The following TTN variants were observed in gnomAD, a reference collection of about 807,000 sequenced individuals.
TTN encodes the protein connectin.
TTN carries 1,525 observed loss-of-function variants against 3,223.0 expected under a neutral mutation model. The observed-to-expected ratio is 0.47, with a 90% CI of 0.45 to 0.49. The LOEUF (loss-of-function observed/expected upper bound fraction) is 0.49. Among genes scored for constraint, TTN ranks in the 20% least tolerant of loss-of-function variants. The probability of loss-of-function intolerance (pLI) is 0.00; values close to 1 mark genes in which losing one functional copy is unlikely to be tolerated. For synonymous variants in TTN, 14,094 were observed against 15,161.0 expected (o/e 0.93, Z 5.17); for missense variants, 40,786 against 43,424.0 (o/e 0.94, Z 5.40).
Position 178,554,653 on chromosome 2 carries a change from T to G in TTN, c.88694A>C (p.Lys29565Thr), listed in dbSNP as rs1263180064. ...CTTTTCCACAATGTAGTGAGTGATT[T>G]TTGCACCACCATCATCAGCTGGAGG... ...WRPPADDGGAKITHYIVEKRE... is the reference protein window; with the variant it reads ...WRPPADDGGATITHYIVEKRE... The change falls in exon 332 of 363, where the codon AAA becomes ACA. Residue 29565 changes from lysine (K) to threonine (T), a missense_variant. Transcript: ENST00000589042. 3 of 1,613,918 alleles carry G rather than the reference T, an allele frequency of 1.9e-6. No individual in the cohort carries two copies. The South Asian group carries it at 3.3e-5, about 18-fold the overall frequency.
At position 178,574,202 on chromosome 2, in the gene TTN, C is replaced by T. The variant is rs750632838; in HGVS notation, c.71930G>A (p.Ser23977Asn). 3.1e-6 allele frequency: 5 copies of T among 1,613,458 alleles called. No individual in the cohort carries two copies. In the East Asian group the frequency reaches 8.9e-5, roughly 29 times the overall value. Residue 23977 changes from serine to asparagine, a missense_variant, in exon 326 of 363, where the codon AGC (serine) becomes AAC (asparagine). By Grantham distance (46) the Ser-to-Asn change is conservative. Transcript: ENST00000589042. The stretch of plus-strand genomic sequence containing the variant: ...TGTAAATTCATTCTCCAAAATGTTG[C>T]TGAAGTTGGCCTTCAGCCACCGTCC... ...PNGRWLKANF[S>N]NILENEFTVS...
Position 178,605,261 on chromosome 2 carries a change from T to C in TTN, c.53916A>G (p.Arg17972=). 7 of 1,601,562 alleles carry C rather than the reference T, an allele frequency of 4.4e-6. No homozygotes were observed. The highest frequency in any genetic ancestry group is 6.0e-6 in the Non-Finnish European group (7 of 1,174,004). ...CTGCCTTAACTTTGATAGTGTCTCC[T>C]CGAACACTCAGACGCAACTTAATAG... ...PPTIKLRLSV[R]GDTIKVKAGE... Residue 17972 remains arginine (R), a synonymous_variant, in exon 280 of 363, where the codon CGA becomes CGG. Transcript: ENST00000589042.
At chr2:178,794,697 T>C in intron 7 of TTN, 146 bp from the exon 8 acceptor site, 1 of 1,130,150 alleles carries the variant, frequency 8.8e-7, no homozygotes, top group African/African-American at 1.5e-5. Flanking sequence ...AGAGACTGTA[T>C]CATTAAAACC....
rs751103309 is a variant in TTN at position 178,640,055 on chromosome 2, G to A, written c.40779C>T (p.Pro13593=). 18 of 1,611,932 alleles carry A rather than the reference G, an allele frequency of 1.1e-5. No individual in the cohort carries two copies. Among genetic ancestry groups the A allele is most frequent in the East Asian group, 2.2e-5 (1 of 44,796 alleles). ...GAGGATAAGCTTGCTCACCTGCTTC[G>A]GGCTTTGGTTTCGGTTCAGGTGCAG... is the stretch of plus-strand genomic sequence containing the variant. ...PLPAPEPKPK[P]EAEVKTIKPP... is the part of the protein sequence containing the mutation. The change falls in exon 222 of 363, where the codon CCC becomes CCT. Residue 13593 remains proline (P), a synonymous_variant. Coordinates refer to ENST00000589042, the MANE Select transcript of TTN (RefSeq NM_001267550.2).
rs1385153141 is a variant in TTN at position 178,740,104 on chromosome 2, G to C, written c.13129C>G (p.Leu4377Val). 24 of 1,613,704 alleles carry C rather than the reference G, an allele frequency of 1.5e-5. No homozygotes were observed. Among genetic ancestry groups the C allele is most frequent in the Non-Finnish European group, 1.9e-5 (23 of 1,179,826 alleles). ...GAAAGCAAGCTTTCCTTAGAAAGAA[G>C]GTCCCTTCCCTGTACCTCCTGCACT... ...KKVQEVQGRD[L>V]LSKESLLSGI... The change falls in exon 48 of 363, where the codon CTT becomes GTT. Residue 4377 changes from leucine to valine, a missense_variant. By Grantham distance (32) the Leu-to-Val change is conservative. Coordinates refer to ENST00000589042, the MANE Select transcript of TTN (RefSeq NM_001267550.2).
At chr2:178,663,968 G>T in intron 169 of TTN, 47 bp downstream of exon 169, 1 of 1,610,536 alleles carries the variant, frequency 6.2e-7, no homozygotes, top group Non-Finnish European at 8.5e-7. Context: ...ATATTGTCAA[G>T]AGCAGAAGAA....
chr2:178,783,601 T>A, intron 17 of TTN, 119 bp downstream of exon 17: 1 of 906,010 alleles, frequency 1.1e-6, no homozygotes, highest in Non-Finnish European at 1.8e-6. Flanking sequence ...AAAATGAGCA[T>A]CTGTAAGCTC....
At chr2:178,649,718 G>GT in intron 211 of TTN, 87 bp from the exon 212 acceptor site, 2 of 1,537,566 alleles carry the variant, frequency 1.3e-6, no homozygotes, top group East Asian at 2.3e-5. Flanking sequence ...TAACATATAG[G>GT]TAAGAGTTAA....
At position 178,575,352 on chromosome 2, in the gene TTN, T is replaced by C; in HGVS notation, c.70780A>G (p.Asn23594Asp). Residue 23594 changes from asparagine (N) to aspartate (D), a missense_variant, in exon 326 of 363, where the codon AAT becomes GAT. Asn to Asp is a conservative substitution (Grantham distance 23). Coordinates refer to ENST00000589042, the MANE Select transcript of TTN (RefSeq NM_001267550.2). The surrounding 1 kb of genome is among the most constrained non-coding windows in gnomAD (Gnocchi z 4.0). ...TVKGLECVVR[N>D]LTEGEEYTFQ... ...GTATATTCCTCTCCTTCAGTTAGAT[T>C]CCTCACAACACATTCTAACCCTTTC... is the stretch of plus-strand genomic sequence containing the variant. The C allele has an allele frequency of 6.2e-7, 1 of 1,613,572 alleles. No homozygotes were observed. Among genetic ancestry groups the C allele is most frequent in the Non-Finnish European group, 8.5e-7 (1 of 1,179,666 alleles).
chr2:178,536,867 T>C, intron 356 of TTN, 71 bp downstream of exon 356: 1 of 1,378,330 alleles, frequency 7.3e-7, no homozygotes, highest in Non-Finnish European at 9.7e-7. Context: ...AAAATTTCTT[T>C]CTGTTTAAAA....
intron 162 of TTN, 148 bp downstream of exon 162, chr2:178,667,088 G>T: frequency 1.1e-6 from 1 of 907,778 alleles, no homozygotes; most frequent in Non-Finnish European, 1.6e-6. Flanking sequence ...GCAAGTCATA[G>T]GTCATTCTTT....
At chr2:178,794,847 T>G (rs1423733040) in intron 7 of TTN, 75 bp downstream of exon 7, 2 of 1,564,888 alleles carry the variant, frequency 1.3e-6, no homozygotes, top group Non-Finnish European at 1.7e-6. Context: ...TTATACAGAC[T>G]GAGTTTCATG....
At chr2:178,627,102 C>A (rs886150882) in intron 240 of TTN, among the ~76,000 whole-genome samples, 1 of 151,804 alleles carries the variant, frequency 6.6e-6, no homozygotes, top group Non-Finnish European at 1.5e-5. Flanking sequence ...TAATATAATA[C>A]GGTAGGCTTA....
In TTN at chr2:178,688,688, G is replaced by C; in HGVS notation, c.32186C>G (p.Thr10729Arg). The change falls in exon 126 of 363, where the codon ACG becomes AGG. Residue 10729 changes from threonine (T) to arginine (R), a missense_variant. By Grantham distance (71) the Thr-to-Arg change is moderately conservative. Transcript: ENST00000589042. ...SFAVPQRVEV[T>R]RHEVSAEEEW... ...TTCCGATTATATACCTTCGTGCCGC[G>C]TGACTTCCACTCTTTGAGGAACTGC... 2 of 1,612,076 alleles carry C rather than the reference G, an allele frequency of 1.2e-6. No homozygotes were observed. Among genetic ancestry groups the C allele is most frequent in the African/African-American group, 1.3e-5 (1 of 74,994 alleles).
intron 215 of TTN, 146 bp from the exon 216 acceptor site, chr2:178,646,705 A>G (rs2062058575): frequency 7.0e-6 from 4 of 568,950 alleles, no homozygotes; most frequent in Admixed American, 6.2e-5. Flanking sequence ...AAATTCACGT[A>G]TAAGAAAAAG....
At chr2:178,778,139 G>A (rs2092426646) in intron 24 of TTN, 164 bp from the exon 25 acceptor site, 1 of 896,060 alleles carries the variant, frequency 1.1e-6, no homozygotes, top group South Asian at 1.6e-5. Context: ...ATATATTATT[G>A]TTGCCCCCAC....
At position 178,690,235 on chromosome 2, in the gene TTN, A is replaced by C. The variant is rs190762218; in HGVS notation, c.31763-339T>G. On this transcript the variant is annotated intron_variant, in intron 121 of 362. Coordinates refer to ENST00000589042, the MANE Select transcript of TTN (RefSeq NM_001267550.2). ...GATATGGTATATAGAAAACTTCTTT[A>C]CGCTTTGTATTGAGAAATGGAGTAC... Among the ~76,000 whole-genome samples the C allele has an allele frequency of 1.8e-3, 277 of 152,354 alleles. 5 individuals are homozygous for C. In the South Asian group the frequency reaches 0.024, roughly 13 times the overall value.
Position 178,602,565 on chromosome 2 carries a change from T to C in TTN, c.54837A>G (p.Pro18279=). Residue 18279 remains proline (P), a synonymous_variant, in exon 283 of 363, where the codon CCA becomes CCG. Coordinates refer to ENST00000589042, the MANE Select transcript of TTN (RefSeq NM_001267550.2). Reference sequence around the variant, plus strand: ...TTGACTTCGTTTTATCTTTAACTTCTGGGCAAGAAGGTGGCCCCGGTGGAA... The same window carrying C: ...TTGACTTCGTTTTATCTTTAACTTCCGGGCAAGAAGGTGGCCCCGGTGGAA... ...PIFPPGPPSC[P]EVKDKTKSSI... 1 of 1,553,810 alleles carries C rather than the reference T, an allele frequency of 6.4e-7. No homozygotes were observed. The highest frequency in any genetic ancestry group is 8.7e-7 in the Non-Finnish European group (1 of 1,150,106).
In TTN at chr2:178,738,069, G is replaced by A; in HGVS notation, c.14371+13C>T. On this transcript the variant is annotated intron_variant, in intron 49 of 362. Coordinates refer to ENST00000589042, the MANE Select transcript of TTN (RefSeq NM_001267550.2). ...ATGAAGTGACAACATCTGTGCCAAT[G>A]TATGGCATTTACCTGTCACAGTTAG... 2 of 1,608,776 alleles carry A rather than the reference G, an allele frequency of 1.2e-6. No individual in the cohort carries two copies. The highest frequency in any genetic ancestry group is 1.7e-6 in the Non-Finnish European group (2 of 1,176,076).
Sources: gnomAD v4.1 joint callset for allele counts (sites outside exome capture counted in the v4.1 genomes callset) on GRCh38, gnomAD v4.1.1 for gene constraint, Gnocchi (gnomAD v3.1) non-coding constraint, MANE v1.5 for transcripts, NCBI Gene and HGNC (gene_info 2026-07-23, HGNC 2026-07-21) for gene names.